HIVEP3: variants seen among roughly 807,000 people sequenced by gnomAD.
HIVEP3 encodes transcription factor HIVEP3.
In HIVEP3, 49 loss-of-function variants were observed where a neutral mutation model predicts 152.8. That is an observed-to-expected ratio of 0.32 (90% CI 0.26 to 0.41). The LOEUF (loss-of-function observed/expected upper bound fraction) is 0.41. HIVEP3 is among the 10% of genes least tolerant of loss of function. The pLI is 1.00. For synonymous variants in HIVEP3, 1,269 were observed against 1,289.0 expected, an observed-to-expected ratio of 0.98 and a Z score of 0.33; for missense variants, 2,790 against 3,103.3, an observed-to-expected ratio of 0.90 and a Z score of 2.40.
At chr1:41,527,991 C>G (rs1262026934) in intron 5 of HIVEP3, among the ~76,000 whole-genome samples, 3 of 148,382 alleles carry the variant, frequency 2.0e-5, no homozygotes, top group African/African-American at 7.5e-5. Context: ...ACTCCACACT[C>G]CCGCACTCAC....
intron 1 of HIVEP3, among the ~76,000 whole-genome samples, chr1:42,019,480 C>T (rs966731342): frequency 4.6e-5 from 7 of 151,658 alleles, no homozygotes; most frequent in Admixed American, 1.3e-4. Context: ...CCTATGAATT[C>T]GGTGTTTTCT....
intron 1 of HIVEP3, among the ~76,000 whole-genome samples, chr1:41,939,839 C>A (rs1268826659): frequency 6.6e-6 from 1 of 152,124 alleles, no homozygotes; most frequent in Non-Finnish European, 1.5e-5. Context: ...GGTTATTAAG[C>A]TAAATATATG....
intron 5 of HIVEP3, among the ~76,000 whole-genome samples, chr1:41,553,654 T>C (rs1325445373): frequency 6.6e-6 from 1 of 152,082 alleles, no homozygotes; most frequent in Non-Finnish European, 1.5e-5. Context: ...TTCCTTTCCA[T>C]GTTTAGTGCT....
At chr1:41,929,724 TTTTATATATATATATATA>T (rs1168534097) in intron 1 of HIVEP3, among the ~76,000 whole-genome samples, 2 of 30,546 alleles carry the variant, frequency 6.5e-5, no homozygotes, top group South Asian at 3.3e-3. Flanking sequence ...GTATATGTGT[TTTTATATATATATATATA>T]TATATATATA....
intron 1 of HIVEP3, among the ~76,000 whole-genome samples, chr1:41,766,135 C>T (rs2124255311): frequency 6.6e-6 from 1 of 152,332 alleles, no homozygotes; most frequent in South Asian, 2.1e-4. Flanking sequence ...CTGGCTGCAG[C>T]CCCACCAGAA....
At chr1:41,716,210 C>T (rs780666605) in intron 1 of HIVEP3, among the ~76,000 whole-genome samples, 4 of 152,078 alleles carry the variant, frequency 2.6e-5, no homozygotes, top group African/African-American at 9.7e-5. Flanking sequence ...GGGTGAGGCT[C>T]GATAGGGAGG....
chr1:41,750,006 G>A (rs942144484), intron 1 of HIVEP3, among the ~76,000 whole-genome samples: 1 of 152,248 alleles, frequency 6.6e-6, no homozygotes, highest in Admixed American at 6.5e-5. Flanking sequence ...TGTGAGGTCT[G>A]AGCCCTGAGC....
intron 5 of HIVEP3, among the ~76,000 whole-genome samples, chr1:41,531,289 TGGAGGACAGGAGAGA>T (rs1643241470): frequency 2.4e-5 from 2 of 83,036 alleles, no homozygotes; most frequent in African/African-American, 4.7e-5. Context: ...ACAGGGGAGA[TGGAGGACAGGAGAGA>T]TGGAGGACAG....
intron 1 of HIVEP3, among the ~76,000 whole-genome samples, chr1:42,021,163 T>C (rs775517071): frequency 6.6e-6 from 1 of 151,996 alleles, no homozygotes; most frequent in Non-Finnish European, 1.5e-5. Context: ...GAATAGACCA[T>C]AAGGGGGAAA....
chr1:41,580,095 G>C lies in HIVEP3; in HGVS notation c.4703C>G (p.Pro1568Arg). The C allele has an allele frequency of 6.2e-6, 10 of 1,614,226 alleles. No homozygotes were observed. The highest frequency in any genetic ancestry group is 8.5e-6 in the Non-Finnish European group (10 of 1,180,040). Reference sequence around the variant, plus strand: ...CGTTTCTGACAGAGGCAGAGAGCTCGGAGGTGCCAAGGAGGGGAGATCAGG... The same window carrying C: ...CGTTTCTGACAGAGGCAGAGAGCTCCGAGGTGCCAAGGAGGGGAGATCAGG... ...EQPDLPSLAP[P>R]SSLPLSETSS... Residue 1568 changes from proline to arginine, a missense_variant, in exon 4 of 9, where the codon CCG (proline) becomes CGG (arginine). Pro to Arg is a moderately radical substitution (Grantham distance 103). This residue lies in a region of HIVEP3 where 1,078 missense variants were observed against 1,165.3 expected (regional missense o/e 0.93). Coordinates refer to ENST00000372583, the MANE Select transcript of HIVEP3 (RefSeq NM_024503.5).
chr1:41,996,389 C>CAA (rs55853325), intron 1 of HIVEP3, among the ~76,000 whole-genome samples: 81,823 of 141,492 alleles, frequency 0.58, 23,464 homozygotes, highest in East Asian at 0.7. Context: ...GAACCTATCT[C>CAA]AAAAAAAAAA....
In HIVEP3 at chr1:41,533,829, AC is replaced by A; in HGVS notation, c.5208-8920del. Among the ~76,000 whole-genome samples the A allele has an allele frequency of 6.6e-6, 1 of 151,772 alleles. No individual in the cohort carries two copies. The highest frequency in any genetic ancestry group is 2.1e-4 in the South Asian group (1 of 4,812). ...TCTCGAGTTCCGATGCCTTTGCTAT[AC>A]ATCTAACTGCCTTAGTATCACCTCT... is the stretch of plus-strand genomic sequence containing the variant. On this transcript the variant is annotated intron_variant, in intron 5 of 8. Coordinates refer to ENST00000372583, the MANE Select transcript of HIVEP3 (RefSeq NM_024503.5). The surrounding 1 kb of genome is among the most constrained non-coding windows in gnomAD (Gnocchi z 4.3).
At chr1:41,812,633 C>T (rs374838323) in intron 1 of HIVEP3, among the ~76,000 whole-genome samples, 22 of 151,876 alleles carry the variant, frequency 1.4e-4, no homozygotes, top group East Asian at 5.8e-4. Context: ...GTGATAGTGA[C>T]GCATTTATCC....
intron 2 of HIVEP3, among the ~76,000 whole-genome samples, chr1:41,678,814 C>T (rs1645996245): frequency 1.3e-5 from 2 of 152,236 alleles, no homozygotes; most frequent in African/African-American, 4.8e-5. Flanking sequence ...GGAGGCCACA[C>T]CTCATCTCAA....
At chr1:41,763,318 C>T (rs1463021378) in intron 1 of HIVEP3, among the ~76,000 whole-genome samples, 1 of 152,176 alleles carries the variant, frequency 6.6e-6, no homozygotes, top group Non-Finnish European at 1.5e-5. Context: ...GCACTATGCC[C>T]AGCTGCCGTC....
rs772870033 is a variant in HIVEP3 at position 41,580,699 on chromosome 1, T to A, written c.4099A>T (p.Thr1367Ser). ...TCATGCACATCTGCACCACATACAG[T>A]CGTCCCCTTTGATGGGGGTTCCTCA... ...KFEEPPSKGT[T>S]VCGADVHEVG... is the part of the protein sequence containing the mutation. Residue 1367 changes from threonine to serine, a missense_variant, in exon 4 of 9, where the codon ACT (threonine) becomes TCT (serine). Coordinates refer to ENST00000372583, the MANE Select transcript of HIVEP3 (RefSeq NM_024503.5). 14 of 1,603,398 alleles carry A rather than the reference T, an allele frequency of 8.7e-6. No individual in the cohort carries two copies. Among genetic ancestry groups the A allele is most frequent in the Non-Finnish European group, 1.2e-5 (14 of 1,174,436 alleles).
chr1:41,904,534 G>A (rs1570778489), intron 1 of HIVEP3, among the ~76,000 whole-genome samples: 2 of 152,108 alleles, frequency 1.3e-5, no homozygotes, highest in South Asian at 2.1e-4. Context: ...GGTGCTTACC[G>A]CCATGCTTTA....
chr1:41,661,731 C>T (rs1331783912), intron 2 of HIVEP3, among the ~76,000 whole-genome samples: 1 of 152,218 alleles, frequency 6.6e-6, no homozygotes, highest in Non-Finnish European at 1.5e-5. Context: ...CCGTGTCCCA[C>T]GGTATGCGTG....
rs548965969 is a variant in HIVEP3 at position 41,508,880 on chromosome 1, C to T, written c.*1571G>A. ...AAACCCAGCCTTCACGGGCCTCAAC[C>T]GTAGTCCCTGTGCTGCCCTCCCTTG... On this transcript the variant is annotated 3_prime_UTR_variant, in exon 9 of 9. Transcript: ENST00000372583. 1.3e-4 allele frequency: 20 copies of T among 152,354 alleles called. No individual in the cohort carries two copies. In the South Asian group the frequency reaches 1.7e-3, roughly 13 times the overall value. 9.4% of individuals were successfully genotyped at this position (152,354 alleles called of 1,614,324 possible).
Sources: gnomAD v4.1 joint callset for allele counts (sites outside exome capture counted in the v4.1 genomes callset) on GRCh38, gnomAD v4.1.1 for gene constraint, gnomAD v4.1.1 regional missense constraint, Gnocchi (gnomAD v3.1) non-coding constraint, MANE v1.5 for transcripts, NCBI Gene and HGNC (gene_info 2026-07-23, HGNC 2026-07-21) for gene names.